The following DAB2IP variants were observed in gnomAD, a reference collection of about 807,000 sequenced individuals.
The protein encoded by DAB2IP is disabled homolog 2-interacting protein.
Under a neutral mutation model 107.2 loss-of-function variants are expected in DAB2IP, and 28 were observed. The observed-to-expected ratio is 0.26, with a 90% CI of 0.19 to 0.36. DAB2IP has a LOEUF of 0.36. Ranked by LOEUF, DAB2IP falls within the 10% of genes least tolerant of loss-of-function variation. The pLI, the probability that DAB2IP is intolerant of heterozygous loss-of-function variation, is 1.00. For missense variants in DAB2IP, 1,400 were observed against 1,644.7 expected, an observed-to-expected ratio of 0.85 and a Z score of 2.57; for synonymous variants, 755 against 706.4, an observed-to-expected ratio of 1.07 and a Z score of -1.09.
chr9:121,772,912 C>A lies in DAB2IP; in HGVS notation c.2384C>A (p.Ala795Glu). 6.4e-7 allele frequency: 1 copy of A among 1,566,136 alleles called. No homozygotes were observed. The highest frequency in any genetic ancestry group is 1.8e-5 in the Admixed American group (1 of 56,112). ...GCCCGGGCAACCCCAGTGAACCTGG[C>A]AGGGCTGGCCACGGTGCGGCGGGCA... The change falls in exon 12 of 16, where the codon GCA becomes GAA. Residue 795 changes from alanine to glutamate, a missense_variant. Around this residue, in one of 3 missense-constraint regions of DAB2IP, gnomAD observed 600 missense variants for 659.1 expected, o/e 0.91. Transcript: ENST00000408936. This position sits in a 1 kb window ranked among gnomAD's most constrained non-coding sequence, Gnocchi z 4.7.
At position 121,567,559 on chromosome 9, in the gene DAB2IP, T is replaced by G. The variant is rs147835285; in HGVS notation, c.40+331T>G. On this transcript the variant is annotated intron_variant, in intron 1 of 16. Transcript: ENST00000259371. ...CCTGCCTGTCTGCCTACCTCGCTGTTCGCCAGGCCTGCCCTGTGCTGTGGG... is the reference window on the plus strand; with the variant it reads ...CCTGCCTGTCTGCCTACCTCGCTGTGCGCCAGGCCTGCCCTGTGCTGTGGG... Among the ~76,000 whole-genome samples, 593 of 152,332 alleles carry G rather than the reference T, an allele frequency of 3.9e-3. 3 individuals are homozygous for G. The highest frequency in any genetic ancestry group is 0.014 in the African/African-American group (573 of 41,586).
intron 14 of DAB2IP, among the ~76,000 whole-genome samples, chr9:121,780,850 C>G (rs961921231): frequency 3.3e-5 from 5 of 152,188 alleles, no homozygotes; most frequent in Admixed American, 3.3e-4. Flanking sequence ...GCCTGCACAC[C>G]TGTCCTTCAG....
intron 1 of DAB2IP, among the ~76,000 whole-genome samples, chr9:121,568,374 G>A (rs1829856358): frequency 6.6e-6 from 1 of 152,188 alleles, no homozygotes; most frequent in Admixed American, 6.5e-5. Context: ...GGGGTCAGTT[G>A]ATGCATGCAG....
chr9:121,737,630 C>G (rs1047996015), intron 3 of DAB2IP: 2 of 985,314 alleles, frequency 2.0e-6, no homozygotes, highest in East Asian at 2.3e-4. Context: ...TGGCCATCTT[C>G]GGAAGCCAGA....
intron 1 of DAB2IP, among the ~76,000 whole-genome samples, chr9:121,645,952 C>T (rs1412200954): frequency 1.3e-5 from 2 of 152,142 alleles, no homozygotes; most frequent in African/African-American, 2.4e-5. Flanking sequence ...CCATTTAACA[C>T]GTGGAAACCT....
At chr9:121,666,488 G>A (rs984065050) in intron 1 of DAB2IP, among the ~76,000 whole-genome samples, 1 of 152,158 alleles carries the variant, frequency 6.6e-6, no homozygotes, top group Non-Finnish European at 1.5e-5. Context: ...TAGAAAAAGT[G>A]TGCAGTGGTA....
Position 121,635,771 on chromosome 9 carries a change from C to A in DAB2IP, c.41-42907C>A, listed in dbSNP as rs759044747. Among the ~76,000 whole-genome samples, 2 of 152,224 alleles carry A rather than the reference C, an allele frequency of 1.3e-5. No individual in the cohort carries two copies. The highest frequency in any genetic ancestry group is 1.9e-4 in the East Asian group (1 of 5,188). ...GGGAGCGGGTTTTGGCCCAGCCCCACGCAGAGCCTTAAAGACGCAGCCATG... is the reference window on the plus strand; with the variant it reads ...GGGAGCGGGTTTTGGCCCAGCCCCAAGCAGAGCCTTAAAGACGCAGCCATG... On this transcript the variant is annotated intron_variant, in intron 1 of 16. Coordinates refer to the DAB2IP transcript ENST00000259371. This position sits in a 1 kb window ranked among gnomAD's most constrained non-coding sequence, Gnocchi z 4.3.
chr9:121,737,163 C>A, intron 3 of DAB2IP: 3 of 928,524 alleles, frequency 3.2e-6, no homozygotes, highest in Non-Finnish European at 3.8e-6. Flanking sequence ...CTCCCTCTTT[C>A]TTGACCCAGA....
chr9:121,781,209 G>A (rs1376784614), intron 14 of DAB2IP, among the ~76,000 whole-genome samples: 1 of 152,216 alleles, frequency 6.6e-6, no homozygotes, highest in Non-Finnish European at 1.5e-5. Flanking sequence ...GAAAGGGGCA[G>A]CCCGGGGGCC....
chr9:121,590,926 C>T (rs73544272), intron 1 of DAB2IP, among the ~76,000 whole-genome samples: 3,402 of 152,238 alleles, frequency 0.022, 130 homozygotes, highest in African/African-American at 0.077. Context: ...CCAACTGCAA[C>T]GGACACCATA....
chr9:121,716,727 C>G (rs958631387), intron 3 of DAB2IP, among the ~76,000 whole-genome samples: 1 of 152,168 alleles, frequency 6.6e-6, no homozygotes, highest in Non-Finnish European at 1.5e-5. Context: ...AGCCACATGC[C>G]TGAGGCCCAG....
intron 3 of DAB2IP, among the ~76,000 whole-genome samples, chr9:121,708,151 A>C (rs1402870339): frequency 1.3e-5 from 2 of 152,196 alleles, no homozygotes; most frequent in African/African-American, 4.8e-5. Flanking sequence ...GCTGTGTGCT[A>C]GTGACTTGCC....
intron 1 of DAB2IP, among the ~76,000 whole-genome samples, chr9:121,604,741 C>T (rs1441827726): frequency 1.3e-5 from 2 of 152,220 alleles, no homozygotes; most frequent in African/African-American, 2.4e-5. Flanking sequence ...CTGTCGTTGT[C>T]CGCTGCCTGT....
At chr9:121,608,732 G>A (rs1313506962) in intron 1 of DAB2IP, among the ~76,000 whole-genome samples, 1 of 152,212 alleles carries the variant, frequency 6.6e-6, no homozygotes, top group African/African-American at 2.4e-5. Context: ...TGGCTTTGCT[G>A]TAGGTATTAC....
At chr9:121,594,668 C>G (rs1280914288) in intron 1 of DAB2IP, among the ~76,000 whole-genome samples, 1 of 152,090 alleles carries the variant, frequency 6.6e-6, no homozygotes, top group African/African-American at 2.4e-5. Context: ...TCACTCAGTC[C>G]TTTTCTTCAT....
At chr9:121,611,623 T>G (rs951190211) in intron 1 of DAB2IP, among the ~76,000 whole-genome samples, 1 of 152,164 alleles carries the variant, frequency 6.6e-6, no homozygotes, top group Non-Finnish European at 1.5e-5. Context: ...CTCACTTTGT[T>G]GCCCAGGCTG....
At chr9:121,616,739 G>C (rs1337310872) in intron 1 of DAB2IP, among the ~76,000 whole-genome samples, 1 of 152,192 alleles carries the variant, frequency 6.6e-6, no homozygotes, top group African/African-American at 2.4e-5. Flanking sequence ...CCTGAGTACC[G>C]GCCCTGGCCC....
chr9:121,691,072 A>C (rs2118685317), intron 2 of DAB2IP, among the ~76,000 whole-genome samples: 1 of 152,324 alleles, frequency 6.6e-6, no homozygotes, highest in South Asian at 2.1e-4. Context: ...GATTGCTCCC[A>C]AGTGAAATCC....
chr9:121,699,438 CG>C lies in DAB2IP; in HGVS notation c.343del (p.Ala115ProfsTer10). 4.8e-6 allele frequency: 7 copies of C among 1,445,240 alleles called. 1 individual carries two copies. Among genetic ancestry groups the C allele is most frequent in the Non-Finnish European group, 6.4e-6 (7 of 1,087,324 alleles). 89.5% of individuals were successfully genotyped at this position (1,445,240 alleles called of 1,614,324 possible). On this transcript the variant is annotated frameshift_variant, in exon 3 of 16. Coordinates refer to ENST00000408936, the Ensembl canonical transcript of DAB2IP. LOFTEE classifies it high-confidence loss of function. This position sits in a 1 kb window ranked among gnomAD's most constrained non-coding sequence, Gnocchi z 6.2. ...TGCCGGGGTTCCGGAGCGCCGCCGC[CG>C]CCGCCGCGGACAATGAGAGGTGAGC...
Sources: allele counts gnomAD v4.1 joint callset (sites outside exome capture counted in the v4.1 genomes callset), GRCh38; gene constraint gnomAD v4.1.1; regional missense constraint gnomAD v4.1.1; non-coding constraint Gnocchi (gnomAD v3.1); transcripts MANE v1.5; gene names NCBI Gene and HGNC (gene_info 2026-07-23, HGNC 2026-07-21).